The following RAD51B variants were observed in gnomAD, a reference collection of about 807,000 sequenced individuals.
The protein encoded by RAD51B is RAD51 paralog B.
In RAD51B, 38 loss-of-function variants were observed where a neutral mutation model predicts 42.2. The observed-to-expected ratio is 0.90, with a 90% confidence interval of 0.70 to 1.18. The LOEUF is 1.18. RAD51B is among the 50% of genes most tolerant of loss of function. The pLI is 0.00. For missense variants in RAD51B, 373 were observed against 400.7 expected, an observed-to-expected ratio of 0.93 and a Z score of 0.59; for synonymous variants, 154 against 145.2, an observed-to-expected ratio of 1.06 and a Z score of -0.43.
intron 10 of RAD51B, among the ~76,000 whole-genome samples, chr14:68,631,614 C>G (rs1286546287): frequency 3.3e-5 from 5 of 152,198 alleles, no homozygotes; most frequent in Admixed American, 2.0e-4. Context: ...GAGTTAAAAG[C>G]AAAGAGTATA....
At chr14:68,532,026 G>A (rs1887341602) in intron 10 of RAD51B, among the ~76,000 whole-genome samples, 1 of 152,048 alleles carries the variant, frequency 6.6e-6, no homozygotes, top group Non-Finnish European at 1.5e-5. Flanking sequence ...GAGAATATAT[G>A]TTCTTTTTTG....
At chr14:68,422,791 A>C (rs918100958) in intron 9 of RAD51B, among the ~76,000 whole-genome samples, 12 of 152,208 alleles carry the variant, frequency 7.9e-5, no homozygotes, top group African/African-American at 2.6e-4. Context: ...TGCCGCTGTA[A>C]ATAATTTGGA....
chr14:68,497,045 T>A, intron 10 of RAD51B: 1 of 1,263,018 alleles, frequency 7.9e-7, no homozygotes, highest in South Asian at 1.3e-5. Flanking sequence ...ACAACAGTTT[T>A]AGCCTCAGTA....
intron 7 of RAD51B, among the ~76,000 whole-genome samples, chr14:68,255,261 CA>C (rs1397149491): frequency 6.6e-6 from 1 of 152,024 alleles, no homozygotes; most frequent in Non-Finnish European, 1.5e-5. Flanking sequence ...CAGAGATAAA[CA>C]AAAAGAGTTG....
intron 7 of RAD51B, among the ~76,000 whole-genome samples, chr14:68,197,563 G>A (rs1412104354): frequency 1.3e-5 from 2 of 152,114 alleles, no homozygotes; most frequent in Non-Finnish European, 2.9e-5. Context: ...CTAAAATAAA[G>A]TGCCAAACTG....
Position 68,422,104 on chromosome 14 carries a change from C to A in RAD51B, c.957+10577C>A. The A allele has an allele frequency of 4.1e-6, 6 of 1,475,930 alleles. No individual in the cohort carries two copies. The South Asian group carries it at 6.8e-5, about 17-fold the overall frequency. The allele number at this position is 1,475,930 out of a possible 1,614,324, so 91.4% of individuals were successfully genotyped here. ...TCGGAGCACGAAAATTTTCTGCTGTCTTTGGGATCTTGTCTGCAAACAGCT... is the reference window on the plus strand; with the variant it reads ...TCGGAGCACGAAAATTTTCTGCTGTATTTGGGATCTTGTCTGCAAACAGCT... On this transcript the variant is annotated intron_variant, in intron 9 of 10. Transcript: ENST00000471583.
chr14:67,995,172 G>T (rs762681867), intron 7 of RAD51B, among the ~76,000 whole-genome samples: 47 of 152,092 alleles, frequency 3.1e-4, no homozygotes, highest in Admixed American at 5.9e-4. Flanking sequence ...CAGATCATAA[G>T]GTCAAGAGAT....
chr14:68,641,130 G>T (rs1892451183), intron 10 of RAD51B, among the ~76,000 whole-genome samples: 1 of 152,158 alleles, frequency 6.6e-6, no homozygotes, highest in Non-Finnish European at 1.5e-5. Flanking sequence ...TAGAGGAAAG[G>T]AGGCCCAAGA....
At chr14:68,342,450 G>C (rs11846080) in intron 8 of RAD51B, among the ~76,000 whole-genome samples, 1 of 152,082 alleles carries the variant, frequency 6.6e-6, no homozygotes, top group Non-Finnish European at 1.5e-5. Flanking sequence ...GAAGCACTTC[G>C]CACATTCAGA....
intron 10 of RAD51B, among the ~76,000 whole-genome samples, chr14:68,573,067 C>T (rs1889789288): frequency 6.6e-6 from 1 of 152,192 alleles, no homozygotes; most frequent in Non-Finnish European, 1.5e-5. Flanking sequence ...ATTTCTGCTA[C>T]AGTCACCTCA....
chr14:67,972,645 T>C (rs1488425227), intron 7 of RAD51B, among the ~76,000 whole-genome samples: 1 of 152,168 alleles, frequency 6.6e-6, no homozygotes, highest in Non-Finnish European at 1.5e-5. Flanking sequence ...TTTGATTGGT[T>C]ATCAAGTTGA....
intron 10 of RAD51B, among the ~76,000 whole-genome samples, chr14:68,580,592 C>T (rs972576534): frequency 6.6e-6 from 1 of 152,164 alleles, no homozygotes; most frequent in Non-Finnish European, 1.5e-5. Flanking sequence ...TCAGCTGTTC[C>T]TCAGTCACCT....
At chr14:68,197,171 A>C (rs1186825458) in intron 7 of RAD51B, among the ~76,000 whole-genome samples, 1 of 152,166 alleles carries the variant, frequency 6.6e-6, no homozygotes, top group East Asian at 1.9e-4. Flanking sequence ...CTTTGAAAAA[A>C]ATATTTTCTT....
At chr14:67,906,042 T>C (rs1467203623) in intron 7 of RAD51B, among the ~76,000 whole-genome samples, 1 of 152,152 alleles carries the variant, frequency 6.6e-6, no homozygotes, top group Non-Finnish European at 1.5e-5. Context: ...TTGTCATAGA[T>C]GAGTCTTCTT....
At chr14:68,023,381 G>C (rs2075900522) in intron 7 of RAD51B, among the ~76,000 whole-genome samples, 1 of 151,974 alleles carries the variant, frequency 6.6e-6, no homozygotes, top group African/African-American at 2.4e-5. Context: ...TGTCATCCAG[G>C]CTGGAGTGAA....
At chr14:68,656,691 G>A (rs1892822497) in intron 11 of RAD51B, among the ~76,000 whole-genome samples, 1 of 152,146 alleles carries the variant, frequency 6.6e-6, no homozygotes, top group South Asian at 2.1e-4. Flanking sequence ...CTGCCTGGGC[G>A]GGTGACTGAG....
Position 68,035,384 on chromosome 14 carries a change from T to A in RAD51B, c.756+148180T>A, listed in dbSNP as rs185136889. On this transcript the variant is annotated intron_variant, in intron 7 of 10. Transcript: ENST00000471583. ...TATAAAGTGAAGAATTGTTTTTTTT[T>A]AACAAATTAACATATCCTGAGTTAC... Among the ~76,000 whole-genome samples, 62 of 151,686 alleles carry A rather than the reference T, an allele frequency of 4.1e-4. 1 individual carries two copies. In the East Asian group the frequency reaches 0.01, roughly 26 times the overall value.
chr14:68,404,757 T>A (rs920346967), intron 8 of RAD51B, among the ~76,000 whole-genome samples: 4 of 152,208 alleles, frequency 2.6e-5, no homozygotes, highest in African/African-American at 9.6e-5. Flanking sequence ...AGTAACTTGC[T>A]GAGCCAGAGT....
At chr14:68,631,356 C>T (rs1472029418) in intron 10 of RAD51B, among the ~76,000 whole-genome samples, 1 of 152,204 alleles carries the variant, frequency 6.6e-6, no homozygotes, top group Non-Finnish European at 1.5e-5. Flanking sequence ...GGGAACAGAA[C>T]CGTCCCTCAT....
Sources: allele counts gnomAD v4.1 joint callset (sites outside exome capture counted in the v4.1 genomes callset), GRCh38; gene constraint gnomAD v4.1.1; transcripts MANE v1.5; gene names NCBI Gene and HGNC (gene_info 2026-07-23, HGNC 2026-07-21).